RSRC1: variants seen among roughly 807,000 people sequenced by gnomAD.
The protein encoded by RSRC1 is arginine and serine rich coiled-coil 1, also known as serine/Arginine-related protein 53.
A neutral mutation model predicts 49.1 loss-of-function variants in RSRC1; 39 were observed. That is an observed-to-expected ratio of 0.79 (90% CI 0.61 to 1.04). The LOEUF (loss-of-function observed/expected upper bound fraction) is 1.04, where lower values mean the gene tolerates loss of function less well. RSRC1 is among the 50% of genes least tolerant of loss of function. RSRC1 has a pLI of 0.00. For synonymous variants in RSRC1, 143 were observed against 130.8 expected, an observed-to-expected ratio of 1.09 and a Z score of -0.63; for missense variants, 388 against 402.4, an observed-to-expected ratio of 0.96 and a Z score of 0.31.
At chr3:158,321,028 A>G (rs1240180286) in intron 5 of RSRC1, among the ~76,000 whole-genome samples, 1 of 152,120 alleles carries the variant, frequency 6.6e-6, no homozygotes, top group Non-Finnish European at 1.5e-5. Context: ...CTGTACAGGA[A>G]AATATAAGTA....
intron 6 of RSRC1, among the ~76,000 whole-genome samples, chr3:158,415,215 C>T (rs1734680140): frequency 1.3e-5 from 2 of 152,048 alleles, no homozygotes; most frequent in African/African-American, 4.8e-5. Context: ...GTATGATCTA[C>T]TTGTACCCAG....
intron 5 of RSRC1, among the ~76,000 whole-genome samples, chr3:158,351,431 C>T (rs927567068): frequency 1.3e-5 from 2 of 152,214 alleles, no homozygotes; most frequent in Non-Finnish European, 2.9e-5. Context: ...CAAAGTAAAA[C>T]TATAAAATAC....
At chr3:158,244,279 T>A (rs1261830017) in intron 4 of RSRC1, among the ~76,000 whole-genome samples, 2 of 152,218 alleles carry the variant, frequency 1.3e-5, no homozygotes, top group Non-Finnish European at 1.5e-5. Flanking sequence ...GCTTTTATTA[T>A]TTTGAAGTAT....
intron 4 of RSRC1, among the ~76,000 whole-genome samples, chr3:158,297,826 C>CT (rs563559843): frequency 6.6e-6 from 1 of 151,914 alleles, no homozygotes; most frequent in African/African-American, 2.4e-5. Flanking sequence ...AAATCTGAAA[C>CT]TTTTTTTAGT....
intron 3 of RSRC1, among the ~76,000 whole-genome samples, chr3:158,166,220 G>A (rs1718522820): frequency 6.6e-6 from 1 of 152,018 alleles, no homozygotes; most frequent in African/African-American, 2.4e-5. Flanking sequence ...TGCTTTTATC[G>A]AAATAATTTA....
chr3:158,363,544 CG>C (rs1731597499), intron 6 of RSRC1, among the ~76,000 whole-genome samples: 2 of 152,062 alleles, frequency 1.3e-5, no homozygotes, highest in South Asian at 4.1e-4. Flanking sequence ...GGATTACAGG[CG>C]TGAGCCACCA....
intron 6 of RSRC1, among the ~76,000 whole-genome samples, chr3:158,418,496 A>T (rs771573253): frequency 6.6e-6 from 1 of 151,964 alleles, no homozygotes; most frequent in Admixed American, 6.6e-5. Context: ...GATACTCTAC[A>T]TGATTGATTC....
chr3:158,194,491 C>CT (rs368635096), intron 3 of RSRC1, among the ~76,000 whole-genome samples: 39,607 of 126,470 alleles, frequency 0.31, 6,637 homozygotes, highest in Middle Eastern at 0.43. Flanking sequence ...CTTTGAGATT[C>CT]TTTTTTTTTT....
chr3:158,462,522 TAATC>T (rs1332336934), intron 7 of RSRC1, among the ~76,000 whole-genome samples: 1 of 151,994 alleles, frequency 6.6e-6, no homozygotes, highest in African/African-American at 2.4e-5. Flanking sequence ...ATTGGAATCT[TAATC>T]AGTTGAAAAT....
At chr3:158,469,635 A>G (rs1738039175) in intron 7 of RSRC1, 1 of 153,178 alleles carries the variant, frequency 6.5e-6, no homozygotes, top group African/African-American at 2.4e-5. Context: ...CTGTCAAGTT[A>G]TCTTACATTT....
intron 6 of RSRC1, among the ~76,000 whole-genome samples, chr3:158,358,449 C>T (rs903377939): frequency 2.7e-4 from 41 of 152,170 alleles, no homozygotes; most frequent in Non-Finnish European, 5.1e-4. Context: ...ACTTCTGTAG[C>T]GAGACACTAA....
chr3:158,162,779 G>A (rs1718310280), intron 3 of RSRC1, among the ~76,000 whole-genome samples: 1 of 152,162 alleles, frequency 6.6e-6, no homozygotes, highest in Non-Finnish European at 1.5e-5. Context: ...TATTACTGAA[G>A]ATGTTCATTG....
chr3:158,113,940 A>G (rs932178297), intron 1 of RSRC1, among the ~76,000 whole-genome samples: 1 of 151,700 alleles, frequency 6.6e-6, no homozygotes, highest in African/African-American at 2.4e-5. Context: ...ATTTTCCTCT[A>G]TAGATTGTCT....
At chr3:158,465,663 C>T (rs1487266450) in intron 7 of RSRC1, among the ~76,000 whole-genome samples, 2 of 152,148 alleles carry the variant, frequency 1.3e-5, no homozygotes, top group African/African-American at 2.4e-5. Flanking sequence ...TTCTTTCTTA[C>T]ATTTACACAT....
chr3:158,521,390 C>T (rs765758798), intron 7 of RSRC1, among the ~76,000 whole-genome samples: 5 of 152,048 alleles, frequency 3.3e-5, no homozygotes, highest in Admixed American at 1.3e-4. Flanking sequence ...GGGTTTAGCA[C>T]CCACACAATC....
chr3:158,146,980 T>A (rs971041772), intron 3 of RSRC1, among the ~76,000 whole-genome samples: 2 of 152,014 alleles, frequency 1.3e-5, no homozygotes, highest in African/African-American at 4.8e-5. Flanking sequence ...ACACAGTACC[T>A]AGATTGAACA....
At chr3:158,249,421 C>T (rs1724082122) in intron 4 of RSRC1, among the ~76,000 whole-genome samples, 1 of 152,176 alleles carries the variant, frequency 6.6e-6, no homozygotes, top group African/African-American at 2.4e-5. Context: ...TGTTCTGACA[C>T]TCATGTTGTT....
chr3:158,318,325 T>C (rs1039563620), intron 5 of RSRC1, among the ~76,000 whole-genome samples: 2 of 152,170 alleles, frequency 1.3e-5, no homozygotes, highest in African/African-American at 4.8e-5. Flanking sequence ...ATTAGGGTAT[T>C]ATGGCGTTCA....
chr3:158,316,296 CA>C (rs1728439356), intron 5 of RSRC1, among the ~76,000 whole-genome samples: 1 of 152,110 alleles, frequency 6.6e-6, no homozygotes, highest in Admixed American at 6.6e-5. Context: ...AGCAGAATGT[CA>C]GCTTAAAATA....
Sources: allele counts gnomAD v4.1 joint callset (sites outside exome capture counted in the v4.1 genomes callset), GRCh38; gene constraint gnomAD v4.1.1; transcripts MANE v1.5; gene names NCBI Gene and HGNC (gene_info 2026-07-23, HGNC 2026-07-21).